ARHGAP21: variants seen among roughly 807,000 people sequenced by gnomAD.
ARHGAP21 encodes Rho GTPase activating protein 21.
ARHGAP21 carries 38 observed loss-of-function variants against 164.6 expected under a neutral mutation model. That is an observed-to-expected ratio of 0.23 (90% CI 0.18 to 0.30). The LOEUF (loss-of-function observed/expected upper bound fraction) is 0.30, where lower values mean the gene tolerates loss of function less well. Ranked by LOEUF, ARHGAP21 falls within the 10% of genes least tolerant of loss-of-function variation. ARHGAP21 has a pLI of 1.00. For missense variants in ARHGAP21, 1,822 were observed against 2,370.7 expected (o/e 0.77, Z 4.81); for synonymous variants, 766 against 857.9 (o/e 0.89, Z 1.87).
At chr10:24,717,245 T>C (rs187827378) in intron 2 of ARHGAP21, among the ~76,000 whole-genome samples, 2 of 151,898 alleles carry the variant, frequency 1.3e-5, no homozygotes, top group East Asian at 1.9e-4. Context: ...ATCAAGAGAG[T>C]ATAATGTCCG....
rs1201751183 is a variant in ARHGAP21 at position 24,619,036 on chromosome 10, T to C, written c.2422+437A>G. Among the ~76,000 whole-genome samples the C allele has an allele frequency of 2.6e-5, 4 of 152,198 alleles. No individual in the cohort carries two copies. In the East Asian group the frequency reaches 7.7e-4, roughly 29 times the overall value. ...GCAAACTAACTTGACAATGAAGAGG[T>C]CTTTTCTCTCAGTACACGTTAAATT... On this transcript the variant is annotated intron_variant, in intron 9 of 25. Coordinates refer to ENST00000396432, the MANE Select transcript of ARHGAP21 (RefSeq NM_020824.4).
At chr10:24,616,830 T>C (rs1008288618) in intron 9 of ARHGAP21, among the ~76,000 whole-genome samples, 3 of 152,208 alleles carry the variant, frequency 2.0e-5, no homozygotes, top group Non-Finnish European at 4.4e-5. Context: ...ATAAAAGAAG[T>C]TGAAATTTAT....
chr10:24,633,786 G>A (rs1459725671), intron 5 of ARHGAP21, among the ~76,000 whole-genome samples: 1 of 149,954 alleles, frequency 6.7e-6, no homozygotes, highest in Non-Finnish European at 1.5e-5. Flanking sequence ...AAAAGGTCTA[G>A]TTACCAGGGG....
intron 2 of ARHGAP21, among the ~76,000 whole-genome samples, chr10:24,671,661 T>C (rs993354782): frequency 1.6e-4 from 25 of 152,076 alleles, no homozygotes; most frequent in African/African-American, 5.3e-4. Flanking sequence ...TATTCTCTCT[T>C]TACTATATAT....
intron 2 of ARHGAP21, among the ~76,000 whole-genome samples, chr10:24,706,265 C>T (rs1313747316): frequency 5.3e-5 from 8 of 152,122 alleles, no homozygotes; most frequent in Admixed American, 5.2e-4. Flanking sequence ...CCCTCCTCCA[C>T]CACTTAAAGC....
chr10:24,607,836 G>C lies in ARHGAP21; in HGVS notation c.2490C>G (p.Ala830=). ...CTATGGAGGGGACCTGAGAGGTAGA[G>C]GCTGATATAACAGCAGAGGCAGGGA... is the stretch of plus-strand genomic sequence containing the variant. The part of the protein sequence containing the change: ...AHIPASAVIS[A]STSQVPSIAT... The change falls in exon 10 of 26, where the codon GCC becomes GCG. Residue 830 remains alanine (A), a synonymous_variant. Coordinates refer to ENST00000396432, the MANE Select transcript of ARHGAP21 (RefSeq NM_020824.4). The C allele has an allele frequency of 6.2e-7, 1 of 1,614,104 alleles. No homozygotes were observed. The highest frequency in any genetic ancestry group is 1.1e-5 in the South Asian group (1 of 91,072).
Position 24,607,591 on chromosome 10 carries a change from G to A in ARHGAP21, c.2592C>T (p.Gly864=). Residue 864 remains glycine (G), a synonymous_variant, in exon 11 of 26, where the codon GGC becomes GGT. Transcript: ENST00000396432. The part of the protein sequence containing the change: ...RQLSHDHESV[G]PPSLDAQPNS... The stretch of plus-strand genomic sequence containing the variant: ...TGGGCTGAGCATCCAGGCTAGGAGG[G>A]CCAACAGATTCTGTAATTAATTAAA... 6.2e-7 allele frequency: 1 copy of A among 1,613,896 alleles called. No homozygotes were observed. Among genetic ancestry groups the A allele is most frequent in the Non-Finnish European group, 8.5e-7 (1 of 1,179,876 alleles).
At chr10:24,655,930 T>A (rs1455430538) in intron 4 of ARHGAP21, among the ~76,000 whole-genome samples, 1 of 94,748 alleles carries the variant, frequency 1.1e-5, no homozygotes, top group Non-Finnish European at 2.1e-5. Context: ...GTGAGGAGCG[T>A]CTCTGCCCGG....
intron 14 of ARHGAP21, among the ~76,000 whole-genome samples, chr10:24,600,235 T>C (rs1476362153): frequency 6.6e-6 from 1 of 152,064 alleles, no homozygotes; most frequent in African/African-American, 2.4e-5. Context: ...CTTGACTGTA[T>C]AGTTCTCTTA....
At position 24,585,824 on chromosome 10, in the gene ARHGAP21, C is replaced by T. The variant is rs1381244517; in HGVS notation, c.4465G>A (p.Glu1489Lys). 1 of 1,613,898 alleles carries T rather than the reference C, an allele frequency of 6.2e-7. No homozygotes were observed. Among genetic ancestry groups the T allele is most frequent in the South Asian group, 1.1e-5 (1 of 91,080 alleles). The change falls in exon 26 of 26, where the codon GAA (glutamate) becomes AAA (lysine). Residue 1489 changes from glutamate to lysine, a missense_variant. Transcript: ENST00000396432. ...CTCTCTTTTCCTAGTGATATCTTTT[C>T]ATCTTTTGTCGTGCTGGGGTCTTTC... ...TRKDPSTTKD[E>K]KISLGKESTP...
At chr10:24,699,140 T>A (rs1427257827) in intron 2 of ARHGAP21, among the ~76,000 whole-genome samples, 1 of 152,162 alleles carries the variant, frequency 6.6e-6, no homozygotes, top group Non-Finnish European at 1.5e-5. Flanking sequence ...GACATTCCTT[T>A]CATCTTTTCG....
chr10:24,705,140 G>C (rs1844108805), intron 2 of ARHGAP21, among the ~76,000 whole-genome samples: 1 of 152,164 alleles, frequency 6.6e-6, no homozygotes, highest in African/African-American at 2.4e-5. Context: ...AAACTAGAAA[G>C]TTTTCTGATG....
chr10:24,699,071 TC>T (rs1413394416), intron 2 of ARHGAP21, among the ~76,000 whole-genome samples: 3 of 152,166 alleles, frequency 2.0e-5, no homozygotes, highest in Non-Finnish European at 4.4e-5. Context: ...GAAAGTGTTT[TC>T]CCACCTTAGC....
rs1194119169 is a variant in ARHGAP21 at position 24,623,034 on chromosome 10, AT to A, written c.496-273del. Among the ~76,000 whole-genome samples the A allele has an allele frequency of 3.9e-5, 6 of 152,156 alleles. No homozygotes were observed. The South Asian group carries it at 1.0e-3, about 26-fold the overall frequency. On this transcript the variant is annotated intron_variant, in intron 7 of 25. Transcript: ENST00000396432. ...CTGGTGACATGCATTCCTAACAGAT[AT>A]TTTCTTCAATATGCACTGCTGTCTG...
intron 9 of ARHGAP21, among the ~76,000 whole-genome samples, chr10:24,615,622 G>C (rs1313458121): frequency 6.6e-6 from 1 of 152,194 alleles, no homozygotes; most frequent in African/African-American, 2.4e-5. Flanking sequence ...TCAGTTCTCT[G>C]AGAGAGCTTC....
intron 4 of ARHGAP21, among the ~76,000 whole-genome samples, chr10:24,658,420 G>A (rs2131638295): frequency 6.6e-6 from 1 of 152,288 alleles, no homozygotes; most frequent in South Asian, 2.1e-4. Flanking sequence ...CAAAGACTTG[G>A]AACCAACCCA....
At chr10:24,689,488 C>A (rs10458704) in intron 2 of ARHGAP21, among the ~76,000 whole-genome samples, 74,544 of 151,914 alleles carry the variant, frequency 0.49, 18,560 homozygotes, top group Middle Eastern at 0.54. Context: ...ACCTATAATT[C>A]CAACACTTTG....
chr10:24,635,021 T>C lies in ARHGAP21; in HGVS notation c.351A>G (p.Gly117=), dbSNP rs756801532. The change falls in exon 5 of 26, where the codon GGA becomes GGG. Residue 117 remains glycine, a synonymous_variant. Coordinates refer to ENST00000396432, the MANE Select transcript of ARHGAP21 (RefSeq NM_020824.4). ...GAAGAATATCAGCACCTGTACATAA[T>C]CCAGCTTCAAAAGCAGGTCCTCCTT... ...VKEGGPAFEA[G]LCTGDRIIKV... The C allele has an allele frequency of 5.7e-6, 9 of 1,591,632 alleles. No homozygotes were observed. Among genetic ancestry groups the C allele is most frequent in the Admixed American group, 3.6e-5 (2 of 55,870 alleles).
intron 2 of ARHGAP21, among the ~76,000 whole-genome samples, chr10:24,719,989 T>C (rs113909184): frequency 6.6e-6 from 1 of 152,300 alleles, no homozygotes; most frequent in African/African-American, 2.4e-5. Context: ...AATATTGTAG[T>C]TTAATACCAA....
Sources: allele counts gnomAD v4.1 joint callset (sites outside exome capture counted in the v4.1 genomes callset), GRCh38; gene constraint gnomAD v4.1.1; transcripts MANE v1.5; gene names NCBI Gene and HGNC (gene_info 2026-07-23, HGNC 2026-07-21).